RNF180: variants seen among roughly 807,000 people sequenced by gnomAD.
RNF180 encodes ring finger protein 180, also known as E3 ubiquitin-protein ligase RNF180.
In RNF180, 38 loss-of-function variants were observed where a neutral mutation model predicts 59.2. That is an observed-to-expected ratio of 0.64 (90% CI 0.50 to 0.84). The LOEUF (loss-of-function observed/expected upper bound fraction) is 0.84. Among genes scored for constraint, RNF180 ranks in the 40% least tolerant of loss-of-function variants. The pLI, the probability that RNF180 is intolerant of heterozygous loss-of-function variation, is 0.00. For missense variants in RNF180, 705 were observed against 700.9 expected (o/e 1.01, Z -0.07); for synonymous variants, 262 against 240.3 (o/e 1.09, Z -0.84).
At chr5:64,248,003 TG>T in intron 5 of RNF180, among the ~76,000 whole-genome samples, 2 of 152,280 alleles carry the variant, frequency 1.3e-5, no homozygotes, top group Middle Eastern at 6.8e-3. Flanking sequence ...AAACAAGGAA[TG>T]GGGAAAGAAT....
chr5:64,314,079 T>G (rs535671812), intron 5 of RNF180, among the ~76,000 whole-genome samples: 1 of 152,156 alleles, frequency 6.6e-6, no homozygotes, highest in Admixed American at 6.6e-5. Flanking sequence ...TGAAAATACT[T>G]TGCCCCATTC....
chr5:64,245,822 A>G (rs902755379), intron 5 of RNF180, among the ~76,000 whole-genome samples: 3 of 152,142 alleles, frequency 2.0e-5, no homozygotes, highest in Non-Finnish European at 4.4e-5. Flanking sequence ...ACATTCTTCT[A>G]AACACCACAT....
intron 5 of RNF180, among the ~76,000 whole-genome samples, chr5:64,237,505 A>G (rs1742514250): frequency 6.6e-6 from 1 of 152,044 alleles, no homozygotes; most frequent in Non-Finnish European, 1.5e-5. Context: ...CTTGTCTCAG[A>G]TGAGATTTTG....
At chr5:64,191,606 TGTC>T (rs1270896927) in intron 1 of RNF180, among the ~76,000 whole-genome samples, 4 of 152,256 alleles carry the variant, frequency 2.6e-5, no homozygotes, top group Non-Finnish European at 5.9e-5. Flanking sequence ...TTTTTTCTGT[TGTC>T]TAATGACTTT....
At chr5:64,281,642 G>T (rs978765696) in intron 5 of RNF180, among the ~76,000 whole-genome samples, 1 of 152,108 alleles carries the variant, frequency 6.6e-6, no homozygotes, top group African/African-American at 2.4e-5. Context: ...GGGATTACAG[G>T]TATGCGCCAC....
At chr5:64,195,342 G>A (rs902494324) in intron 1 of RNF180, among the ~76,000 whole-genome samples, 5 of 152,164 alleles carry the variant, frequency 3.3e-5, no homozygotes, top group African/African-American at 1.2e-4. Context: ...TATACCAAGT[G>A]TATGAAAGTT....
chr5:64,217,474 C>T, intron 5 of RNF180, 78 bp downstream of exon 5: 1 of 1,316,454 alleles, frequency 7.6e-7, no homozygotes, highest in Non-Finnish European at 9.7e-7. Flanking sequence ...TTCCAAGCAG[C>T]AAAGACTTCC....
chr5:64,339,249 T>G (rs1745261298), intron 7 of RNF180, among the ~76,000 whole-genome samples: 1 of 152,270 alleles, frequency 6.6e-6, no homozygotes, highest in African/African-American at 2.4e-5. Flanking sequence ...TATTAAATCC[T>G]TTCTGTTACT....
At chr5:64,221,311 TTTC>T (rs2112152581) in intron 5 of RNF180, among the ~76,000 whole-genome samples, 1 of 152,232 alleles carries the variant, frequency 6.6e-6, no homozygotes, top group East Asian at 1.9e-4. Context: ...ATAATACACA[TTTC>T]TTATGGTTTT....
At chr5:64,272,469 A>G (rs187892351) in intron 5 of RNF180, among the ~76,000 whole-genome samples, 4 of 152,142 alleles carry the variant, frequency 2.6e-5, no homozygotes, top group Admixed American at 2.6e-4. Context: ...GAGATGAAAT[A>G]GATGAGGTTA....
intron 2 of RNF180, among the ~76,000 whole-genome samples, chr5:64,211,786 A>T (rs2112107060): frequency 6.6e-6 from 1 of 152,356 alleles, no homozygotes; most frequent in East Asian, 1.9e-4. Context: ...AGATGTGTTC[A>T]TTCAGTAACT....
At chr5:64,191,555 T>C (rs1579965028) in intron 1 of RNF180, among the ~76,000 whole-genome samples, 1 of 152,356 alleles carries the variant, frequency 6.6e-6, no homozygotes, top group East Asian at 1.9e-4. Context: ...ATAGAAAATA[T>C]AGACTATTTC....
Position 64,340,054 on chromosome 5 carries a change from A to G in RNF180, c.1579+9648A>G, listed in dbSNP as rs149923927. Among the ~76,000 whole-genome samples the G allele has an allele frequency of 3.9e-3, 598 of 152,188 alleles. 3 individuals carry two copies. The highest frequency in any genetic ancestry group is 0.031 in the Middle Eastern group (9 of 294). ...TACCATTTTCAGGCATTTAATCCTC[A>G]GTTTATTTGAACAGTATCCAACTGA... On this transcript the variant is annotated intron_variant, in intron 7 of 7. Coordinates refer to ENST00000389100, the MANE Select transcript of RNF180 (RefSeq NM_001113561.2).
At chr5:64,291,507 C>T (rs1427260523) in intron 5 of RNF180, among the ~76,000 whole-genome samples, 4 of 146,732 alleles carry the variant, frequency 2.7e-5, no homozygotes, top group African/African-American at 1.0e-4. Flanking sequence ...TCACTGCAAG[C>T]TCCGCCTGCC....
At chr5:64,363,277 G>A (rs759596115) in intron 7 of RNF180, among the ~76,000 whole-genome samples, 5 of 151,734 alleles carry the variant, frequency 3.3e-5, no homozygotes, top group Admixed American at 1.3e-4. Flanking sequence ...TATATATGGT[G>A]TAAGTAAGGG....
chr5:64,256,759 G>T (rs1375820141), intron 5 of RNF180, among the ~76,000 whole-genome samples: 1 of 152,156 alleles, frequency 6.6e-6, no homozygotes, highest in East Asian at 1.9e-4. Flanking sequence ...GTAGCTTGAT[G>T]GGGATGACAT....
At position 64,214,161 on chromosome 5, in the gene RNF180, T is replaced by C; in HGVS notation, c.835T>C (p.Ser279Pro). ...TTTACAATCTAGTAAAAATAGCTATTCCTTTCAGAATCCATCCAGTTTTGA... is the reference window on the plus strand; with the variant it reads ...TTTACAATCTAGTAAAAATAGCTATCCCTTTCAGAATCCATCCAGTTTTGA... The part of the protein sequence containing the change: ...LPLQSSKNSY[S>P]FQNPSSFDPS... The change falls in exon 4 of 8, where the codon TCC becomes CCC. Residue 279 changes from serine (S) to proline (P), a missense_variant. Coordinates refer to ENST00000389100, the MANE Select transcript of RNF180 (RefSeq NM_001113561.2). 1.2e-6 allele frequency: 2 copies of C among 1,614,132 alleles called. No individual in the cohort carries two copies. The highest frequency in any genetic ancestry group is 1.7e-6 in the Non-Finnish European group (2 of 1,180,014).
chr5:64,197,457 C>G (rs1157865926), intron 1 of RNF180, among the ~76,000 whole-genome samples: 1 of 152,090 alleles, frequency 6.6e-6, no homozygotes, highest in East Asian at 1.9e-4. Context: ...ACAAATAATA[C>G]AAAAGCAATA....
At chr5:64,220,703 T>TA (rs1211350119) in intron 5 of RNF180, among the ~76,000 whole-genome samples, 10 of 152,102 alleles carry the variant, frequency 6.6e-5, no homozygotes, top group Admixed American at 2.6e-4. Flanking sequence ...TTCTTACCTT[T>TA]AGGCCTATTT....
Sources: gnomAD v4.1 joint callset for allele counts (sites outside exome capture counted in the v4.1 genomes callset) on GRCh38, gnomAD v4.1.1 for gene constraint, MANE v1.5 for transcripts, NCBI Gene and HGNC (gene_info 2026-07-23, HGNC 2026-07-21) for gene names.